Variants in GRM8 observed in about 807,000 individuals in gnomAD.
GRM8 encodes glutamate metabotropic receptor 8.
GRM8 carries 47 observed loss-of-function variants against 87.2 expected under a neutral mutation model. The ratio of observed to expected loss-of-function variants is 0.54; its 90% CI spans 0.43 to 0.69. GRM8 has a LOEUF of 0.69. GRM8 is among the 30% of genes least tolerant of loss of function. The pLI, the probability that GRM8 is intolerant of heterozygous loss-of-function variation, is 0.00. For missense variants in GRM8, 1,019 were observed against 1,139.2 expected (o/e 0.89, Z 1.52); for synonymous variants, 396 against 404.5 (o/e 0.98, Z 0.25).
chr7:126,492,952 A>G (rs1808209252), intron 9 of GRM8, among the ~76,000 whole-genome samples: 1 of 152,074 alleles, frequency 6.6e-6, no homozygotes, highest in Non-Finnish European at 1.5e-5. Context: ...TGTAAAACAT[A>G]TCAGTATGGG....
chr7:126,890,377 T>C (rs868393965), intron 6 of GRM8, among the ~76,000 whole-genome samples: 2 of 152,138 alleles, frequency 1.3e-5, no homozygotes, highest in Non-Finnish European at 2.9e-5. Flanking sequence ...GTCTGGACTC[T>C]AGGTTGCTAG....
intron 3 of GRM8, among the ~76,000 whole-genome samples, chr7:126,929,411 T>TTTTAAA (rs1249823773): frequency 6.6e-6 from 1 of 151,958 alleles, no homozygotes; most frequent in Non-Finnish European, 1.5e-5. Flanking sequence ...AAAAACTGAG[T>TTTTAAA]TTTAAATTTA....
At chr7:127,132,532 G>A (rs146624027) in intron 2 of GRM8, among the ~76,000 whole-genome samples, 43 of 152,050 alleles carry the variant, frequency 2.8e-4, no homozygotes, top group African/African-American at 8.2e-4. Context: ...AGGTGATACA[G>A]ACAACAAATT....
At chr7:127,073,404 G>A (rs1420449075) in intron 3 of GRM8, among the ~76,000 whole-genome samples, 2 of 152,118 alleles carry the variant, frequency 1.3e-5, no homozygotes, top group Non-Finnish European at 2.9e-5. Flanking sequence ...GCTTATAATG[G>A]TTGCAGGTTT....
intron 5 of GRM8, among the ~76,000 whole-genome samples, 168 bp downstream of exon 5, chr7:126,903,804 C>CATATATAT (rs1802411944): frequency 1.9e-5 from 2 of 105,652 alleles, no homozygotes; most frequent in African/African-American, 3.7e-5. Flanking sequence ...TATATATATG[C>CATATATAT]ATATGCATGC....
In GRM8 at chr7:126,685,447, C is replaced by T. The variant is rs988473949; in HGVS notation, c.1358-75949G>A. 6.6e-6 allele frequency among the ~76,000 whole-genome samples: 1 copy of T among 152,124 alleles called. No homozygotes were observed. The highest frequency in any genetic ancestry group is 2.4e-5 in the African/African-American group (1 of 41,438). ...GGGTGCAGCTGCAGCTGCTCTGCCC[C>T]ATCTCTGGACCCAGGCATCTCTGTG... On this transcript the variant is annotated intron_variant, in intron 7 of 10. Transcript: ENST00000339582. This position sits in a 1 kb window ranked among gnomAD's most constrained non-coding sequence, Gnocchi z 4.2.
intron 7 of GRM8, among the ~76,000 whole-genome samples, chr7:126,700,176 T>C (rs531274672): frequency 6.6e-6 from 1 of 152,268 alleles, no homozygotes; most frequent in African/African-American, 2.4e-5. Flanking sequence ...CTAAGATTGG[T>C]ATAGAACAAC....
intron 7 of GRM8, among the ~76,000 whole-genome samples, chr7:126,654,644 A>G (rs560180325): frequency 6.6e-6 from 1 of 152,188 alleles, no homozygotes; most frequent in Admixed American, 6.5e-5. Context: ...AACACAAAGA[A>G]CACTGAAGTG....
chr7:126,819,267 G>GACACACAC (rs1326195595), intron 6 of GRM8, among the ~76,000 whole-genome samples: 1 of 54,862 alleles, frequency 1.8e-5, no homozygotes, highest in Non-Finnish European at 4.2e-5. Context: ...TATTCAGACA[G>GACACACAC]ACACACATAC....
At chr7:126,968,730 C>A (rs948003743) in intron 3 of GRM8, among the ~76,000 whole-genome samples, 1 of 152,118 alleles carries the variant, frequency 6.6e-6, no homozygotes, top group East Asian at 1.9e-4. Context: ...ATAATAAACT[C>A]TCTAAAGAAA....
rs1172679677 is a variant in GRM8, at chr7:126,617,674, C to G, written c.1358-8176G>C. Among the ~76,000 whole-genome samples the G allele has an allele frequency of 1.4e-4, 21 of 152,270 alleles. 1 individual carries two copies. Among genetic ancestry groups the G allele is most frequent in the East Asian group, 9.6e-4 (5 of 5,188 alleles). On this transcript the variant is annotated intron_variant, in intron 7 of 10. Coordinates refer to ENST00000339582, the MANE Select transcript of GRM8 (RefSeq NM_000845.3). ...TCCTTAAGCTGATAAGCAACTTCAG[C>G]AAAGTCTCAGGATACAAAATCAATG...
At chr7:126,507,799 G>A in intron 9 of GRM8, among the ~76,000 whole-genome samples, 1 of 151,736 alleles carries the variant, frequency 6.6e-6, no homozygotes, top group East Asian at 1.9e-4. Context: ...GAGCAACTTG[G>A]CCCTAAATAC....
intron 3 of GRM8, among the ~76,000 whole-genome samples, chr7:127,036,365 C>A (rs554986129): frequency 2.0e-5 from 3 of 152,116 alleles, no homozygotes; most frequent in East Asian, 1.9e-4. Context: ...AAACTGCAAC[C>A]CTTTCTCCAG....
chr7:127,218,671 G>T (rs1796724419), intron 2 of GRM8, among the ~76,000 whole-genome samples: 2 of 152,164 alleles, frequency 1.3e-5, no homozygotes, highest in African/African-American at 4.8e-5. Flanking sequence ...TGTCCCAAAG[G>T]AAATCTCTGT....
chr7:126,508,643 AG>A (rs1209260524), intron 9 of GRM8, among the ~76,000 whole-genome samples: 2 of 152,102 alleles, frequency 1.3e-5, no homozygotes, highest in African/African-American at 2.4e-5. Flanking sequence ...TTATTTCAGC[AG>A]AAGCAATAAA....
intron 3 of GRM8, among the ~76,000 whole-genome samples, chr7:127,082,806 G>T (rs755229167): frequency 3.3e-5 from 5 of 152,198 alleles, no homozygotes; most frequent in African/African-American, 7.2e-5. Flanking sequence ...GCCATAGGAA[G>T]TCAAGAACAT....
Position 127,083,726 on chromosome 7 carries a change from C to A in GRM8, c.727+22770G>T, listed in dbSNP as rs564752761. On this transcript the variant is annotated intron_variant, in intron 3 of 10. Transcript: ENST00000339582. Reference sequence around the variant, plus strand: ...TTCTAAACTTTTGCAAATGCTGCCCCCCTCTTTCACAAAAGGAATGCTGCT... The same window carrying A: ...TTCTAAACTTTTGCAAATGCTGCCCACCTCTTTCACAAAAGGAATGCTGCT... Among the ~76,000 whole-genome samples, 74 of 152,162 alleles carry A rather than the reference C, an allele frequency of 4.9e-4. No individual in the cohort carries two copies. The Middle Eastern group carries it at 0.014, about 28-fold the overall frequency.
intron 7 of GRM8, among the ~76,000 whole-genome samples, chr7:126,767,663 T>C (rs557926168): frequency 1.1e-4 from 17 of 152,230 alleles, no homozygotes; most frequent in Non-Finnish European, 2.1e-4. Context: ...TTGAACAGCT[T>C]TGTGTGTCAT....
intron 10 of GRM8, among the ~76,000 whole-genome samples, chr7:126,444,714 T>C (rs942958461): frequency 3.6e-4 from 55 of 152,228 alleles, no homozygotes; most frequent in African/African-American, 1.2e-3. Context: ...ATGTAGACCA[T>C]AAGTTGCTAT....
Sources: allele counts gnomAD v4.1 joint callset (sites outside exome capture counted in the v4.1 genomes callset), GRCh38; gene constraint gnomAD v4.1.1; non-coding constraint Gnocchi (gnomAD v3.1); transcripts MANE v1.5; gene names NCBI Gene and HGNC (gene_info 2026-07-23, HGNC 2026-07-21).